Variants in GRM7 observed in about 807,000 individuals in gnomAD.
GRM7 encodes glutamate metabotropic receptor 7, also known as metabotropic glutamate receptor 7.
In GRM7, 35 loss-of-function variants were observed where a neutral mutation model predicts 84.5. The observed-to-expected ratio is 0.41, with a 90% CI of 0.32 to 0.55. The LOEUF is 0.55. GRM7 is among the 20% of genes least tolerant of loss of function. The pLI, the probability that GRM7 is intolerant of heterozygous loss-of-function variation, is 0.19. For synonymous variants in GRM7, 487 were observed against 455.1 expected (o/e 1.07, Z -0.89); for missense variants, 1,003 against 1,194.6 (o/e 0.84, Z 2.36).
chr3:7,138,798 G>T (rs545248243), intron 1 of GRM7, among the ~76,000 whole-genome samples: 1 of 151,162 alleles, frequency 6.6e-6, no homozygotes, highest in African/African-American at 2.4e-5. Context: ...TAAAAGCAAT[G>T]GAGACATTTA....
intron 7 of GRM7, among the ~76,000 whole-genome samples, chr3:7,525,883 G>A (rs1049243283): frequency 6.6e-6 from 1 of 152,116 alleles, no homozygotes; most frequent in East Asian, 1.9e-4. Context: ...CAAGGGAAAT[G>A]ATTTTGTTCT....
intron 1 of GRM7, among the ~76,000 whole-genome samples, chr3:6,879,475 T>A (rs556296874): frequency 6.6e-6 from 1 of 152,228 alleles, no homozygotes; most frequent in Admixed American, 6.5e-5. Flanking sequence ...GTTTTACTTA[T>A]TTTGCTTAAT....
intron 8 of GRM7, among the ~76,000 whole-genome samples, chr3:7,602,081 A>C (rs973402256): frequency 6.5e-3 from 237 of 36,212 alleles, no homozygotes; most frequent in Middle Eastern, 0.016. Flanking sequence ...TTACCAGGAC[A>C]AAAAAAAAAA....
chr3:7,607,983 A>AT, intron 8 of GRM7: 1 of 288,298 alleles, frequency 3.5e-6, no homozygotes, highest in Non-Finnish European at 7.4e-6. Context: ...AACACACCAT[A>AT]TTCTGTTTTC....
intron 2 of GRM7, among the ~76,000 whole-genome samples, chr3:7,189,758 A>G (rs1037012087): frequency 1.3e-5 from 2 of 152,180 alleles, no homozygotes; most frequent in South Asian, 2.1e-4. Flanking sequence ...CTTGACACCT[A>G]TATTTTTTTC....
intron 1 of GRM7, among the ~76,000 whole-genome samples, chr3:7,099,806 ACG>A (rs1699039801): frequency 8.6e-6 from 1 of 115,864 alleles, no homozygotes; most frequent in Non-Finnish European, 1.6e-5. Flanking sequence ...GTATATGTAC[ACG>A]CATTATACAT....
At chr3:7,242,627 A>G (rs1697601599) in intron 2 of GRM7, among the ~76,000 whole-genome samples, 1 of 152,298 alleles carries the variant, frequency 6.6e-6, no homozygotes, top group South Asian at 2.1e-4. Context: ...CAATCTCTAT[A>G]TCAATTGTGG....
intron 8 of GRM7, among the ~76,000 whole-genome samples, chr3:7,669,199 A>T (rs1157200592): frequency 6.6e-6 from 1 of 152,254 alleles, no homozygotes; most frequent in Non-Finnish European, 1.5e-5. Flanking sequence ...ACAAATTGTG[A>T]TTAGTGAAAC....
chr3:7,723,270 C>T (rs1163878141), intron 9 of GRM7, among the ~76,000 whole-genome samples: 1 of 152,138 alleles, frequency 6.6e-6, no homozygotes, highest in African/African-American at 2.4e-5. Context: ...CTCTCATCTT[C>T]GAGATCCCTT....
intron 2 of GRM7, among the ~76,000 whole-genome samples, chr3:7,147,719 C>T (rs17046876): frequency 0.023 from 3,552 of 152,140 alleles, 125 homozygotes; most frequent in African/African-American, 0.08. Context: ...TAATTCACTG[C>T]ATCATTAGCT....
At chr3:6,871,280 G>T (rs1204811072) in intron 1 of GRM7, among the ~76,000 whole-genome samples, 1 of 152,062 alleles carries the variant, frequency 6.6e-6, no homozygotes, top group East Asian at 1.9e-4. Context: ...GTTGGATAGG[G>T]TGGCTCTTTA....
chr3:6,864,066 A>G (rs1694857719), intron 1 of GRM7, among the ~76,000 whole-genome samples: 1 of 152,196 alleles, frequency 6.6e-6, no homozygotes, highest in Admixed American at 6.5e-5. Flanking sequence ...CTGAGGAGAA[A>G]GTAACCCAAT....
chr3:7,337,331 C>T (rs1320789595), intron 4 of GRM7, among the ~76,000 whole-genome samples: 1 of 151,944 alleles, frequency 6.6e-6, no homozygotes, highest in Admixed American at 6.6e-5. Flanking sequence ...CATAAGAAAA[C>T]CTCTTCTAGA....
At chr3:7,461,778 AT>A (rs1698259235) in intron 7 of GRM7, 56 bp downstream of exon 7, 2 of 1,518,108 alleles carry the variant, frequency 1.3e-6, no homozygotes, top group Non-Finnish European at 9.1e-7. Context: ...CAGACTTTTA[AT>A]TTGCTCAGTT....
chr3:7,232,612 C>T (rs991928014), intron 2 of GRM7, among the ~76,000 whole-genome samples: 2 of 152,194 alleles, frequency 1.3e-5, no homozygotes, highest in African/African-American at 4.8e-5. Flanking sequence ...CAGAAGAGGA[C>T]TCTTGCAGTT....
At chr3:7,041,372 TAAATG>T (rs1696608828) in intron 1 of GRM7, among the ~76,000 whole-genome samples, 1 of 152,218 alleles carries the variant, frequency 6.6e-6, no homozygotes, top group Admixed American at 6.5e-5. Flanking sequence ...GTTTTAAAAA[TAAATG>T]AAATTACATA....
intron 4 of GRM7, among the ~76,000 whole-genome samples, chr3:7,348,042 C>T (rs1456622707): frequency 1.3e-5 from 2 of 152,122 alleles, no homozygotes; most frequent in African/African-American, 4.8e-5. Context: ...GATGACTCAT[C>T]CCAAGGTCAG....
At chr3:7,175,829 C>T (rs186897869) in intron 2 of GRM7, among the ~76,000 whole-genome samples, 1 of 152,248 alleles carries the variant, frequency 6.6e-6, no homozygotes, top group Non-Finnish European at 1.5e-5. Context: ...TGAGCCGCTG[C>T]ACCCATCCAA....
chr3:7,722,617 A>G (rs553418660), intron 9 of GRM7, among the ~76,000 whole-genome samples: 1 of 151,860 alleles, frequency 6.6e-6, no homozygotes, highest in South Asian at 2.1e-4. Flanking sequence ...TAAGTTTTGT[A>G]ATTTTAGTAG....
Sources: allele counts gnomAD v4.1 joint callset (sites outside exome capture counted in the v4.1 genomes callset), GRCh38; gene constraint gnomAD v4.1.1; transcripts MANE v1.5; gene names NCBI Gene and HGNC (gene_info 2026-07-23, HGNC 2026-07-21).